CACNA1C: variants seen among roughly 807,000 people sequenced by gnomAD.
CACNA1C encodes the protein calcium voltage-gated channel subunit alpha1 C, also known as voltage-dependent L-type calcium channel subunit alpha-1C.
A neutral mutation model predicts 229.0 loss-of-function variants in CACNA1C; 30 were observed. The ratio of observed to expected loss-of-function variants is 0.13; its 90% CI spans 0.10 to 0.18. The LOEUF is 0.18. CACNA1C is among the 10% of genes least tolerant of loss of function. The probability of loss-of-function intolerance (pLI) is 1.00; values close to 1 mark genes in which losing one functional copy is unlikely to be tolerated. For synonymous variants in CACNA1C, 1,114 were observed against 1,132.5 expected, an observed-to-expected ratio of 0.98 and a Z score of 0.33; for missense variants, 1,658 against 2,845.0, an observed-to-expected ratio of 0.58 and a Z score of 9.49.
At chr12:2,522,231 G>A (rs893820100) in intron 9 of CACNA1C, among the ~76,000 whole-genome samples, 2 of 152,270 alleles carry the variant, frequency 1.3e-5, no homozygotes, top group South Asian at 2.1e-4. Flanking sequence ...TGGCCCAGCC[G>A]TCTTGTTATA....
chr12:2,422,602 G>A (rs994609014), intron 3 of CACNA1C, among the ~76,000 whole-genome samples: 2 of 152,176 alleles, frequency 1.3e-5, no homozygotes, highest in African/African-American at 2.4e-5. Context: ...AATCACCTGT[G>A]TCCCCCACAA....
intron 3 of CACNA1C, among the ~76,000 whole-genome samples, chr12:2,123,337 C>T (rs2087893306): frequency 6.7e-6 from 1 of 148,458 alleles, no homozygotes; most frequent in Non-Finnish European, 1.5e-5. Context: ...GATCGCGCCA[C>T]CGCACTCCAG....
In CACNA1C at chr12:2,566,621, G is replaced by A. The variant is rs1241136354; in HGVS notation, c.1669+39G>A. Reference sequence around the variant, plus strand: ...CCAGCTCTGCTCTGGTTTCCTCCTGGTAACTCAGCCCCAAGGCCCAGGGGA... The same window carrying A: ...CCAGCTCTGCTCTGGTTTCCTCCTGATAACTCAGCCCCAAGGCCCAGGGGA... On this transcript the variant is annotated intron_variant, in intron 12 of 46. Coordinates refer to ENST00000399655, the MANE Select transcript of CACNA1C (RefSeq NM_000719.7). The surrounding 1 kb of genome is among the most constrained non-coding windows in gnomAD (Gnocchi z 4.0). 4 of 1,548,756 alleles carry A rather than the reference G, an allele frequency of 2.6e-6. No homozygotes were observed. The highest frequency in any genetic ancestry group is 3.5e-6 in the Non-Finnish European group (4 of 1,143,076).
In CACNA1C at chr12:2,666,605, C is replaced by A; in HGVS notation, c.4527-81C>A. ...TGTTGCCCATATGAGTGGGCCCTAC[C>A]CCTCAGGCGCATGCGTCCTGGGCTG... On this transcript the variant is annotated intron_variant, in intron 36 of 46. Coordinates refer to ENST00000399655, the MANE Select transcript of CACNA1C (RefSeq NM_000719.7). This position sits in a 1 kb window ranked among gnomAD's most constrained non-coding sequence, Gnocchi z 5.3. 1.2e-6 allele frequency: 1 copy of A among 809,040 alleles called. No individual in the cohort carries two copies. The highest frequency in any genetic ancestry group is 2.1e-6 in the Non-Finnish European group (1 of 482,338). The allele number at this position is 809,040 out of a possible 1,614,324, so 50.1% of individuals were successfully genotyped here. A position where few individuals can be genotyped will look rare whatever the true frequency, so the allele number is the denominator to read the frequency against.
At position 2,108,940 on chromosome 12, in the gene CACNA1C, C is replaced by G. The variant is rs182658292; in HGVS notation, c.50-6284C>G. ...ACAGCAAGATGACAGACAGCAAGAGCCAAGTGGGCTTCTGGGTGACATGTT... is the reference window on the plus strand; with the variant it reads ...ACAGCAAGATGACAGACAGCAAGAGGCAAGTGGGCTTCTGGGTGACATGTT... On this transcript the variant is annotated intron_variant, in intron 1 of 46. Coordinates refer to ENST00000399655, the MANE Select transcript of CACNA1C (RefSeq NM_000719.7). This position sits in a 1 kb window ranked among gnomAD's most constrained non-coding sequence, Gnocchi z 5.3. Among the ~76,000 whole-genome samples the G allele has an allele frequency of 6.6e-6, 1 of 152,316 alleles. No individual in the cohort carries two copies. The highest frequency in any genetic ancestry group is 6.5e-5 in the Admixed American group (1 of 15,306).
chr12:2,254,880 C>T (rs1016124947), intron 3 of CACNA1C, among the ~76,000 whole-genome samples: 1 of 152,232 alleles, frequency 6.6e-6, no homozygotes, highest in South Asian at 2.1e-4. Context: ...CCTCTCTTCA[C>T]TTGGATGGCA....
At chr12:2,298,270 C>T (rs2094244317) in intron 3 of CACNA1C, among the ~76,000 whole-genome samples, 1 of 152,216 alleles carries the variant, frequency 6.6e-6, no homozygotes, top group Non-Finnish European at 1.5e-5. Flanking sequence ...ATAGTTACAG[C>T]TCAAGTTTAC....
intron 3 of CACNA1C, among the ~76,000 whole-genome samples, chr12:2,398,525 C>T (rs1427703839): frequency 6.6e-6 from 1 of 152,194 alleles, no homozygotes; most frequent in Non-Finnish European, 1.5e-5. Flanking sequence ...CTGGGAGCCA[C>T]CATTCCTTAT....
At chr12:2,360,496 G>GT (rs1360888115) in intron 3 of CACNA1C, among the ~76,000 whole-genome samples, 1 of 152,190 alleles carries the variant, frequency 6.6e-6, no homozygotes, top group Non-Finnish European at 1.5e-5. Context: ...CTCATTCCAT[G>GT]TTTTTATCTG....
At chr12:2,217,058 G>A (rs11062159) in intron 3 of CACNA1C, among the ~76,000 whole-genome samples, 42,576 of 152,122 alleles carry the variant, frequency 0.28, 6,599 homozygotes, top group Non-Finnish European at 0.35. Context: ...TACATACAGT[G>A]GAATATCATT....
chr12:2,459,499 CCTGT>C (rs911081085), intron 5 of CACNA1C, among the ~76,000 whole-genome samples: 4 of 152,098 alleles, frequency 2.6e-5, no homozygotes, highest in Admixed American at 2.6e-4. Context: ...AAGCTTGTGG[CCTGT>C]CTTAGGCTCA....
chr12:2,164,564 G>GT (rs1268005056), intron 3 of CACNA1C, among the ~76,000 whole-genome samples: 7 of 152,222 alleles, frequency 4.6e-5, no homozygotes, highest in Admixed American at 1.3e-4. Context: ...CTGGTAAGCT[G>GT]TTGTGGCTTA....
chr12:2,199,595 G>C (rs2097525931), intron 3 of CACNA1C, among the ~76,000 whole-genome samples: 1 of 152,114 alleles, frequency 6.6e-6, no homozygotes, highest in Admixed American at 6.5e-5. Flanking sequence ...TCTCTGGGGA[G>C]TAAGAAGTTA....
intron 13 of CACNA1C, among the ~76,000 whole-genome samples, chr12:2,572,264 C>T (rs1011831966): frequency 6.6e-6 from 1 of 150,550 alleles, no homozygotes; most frequent in African/African-American, 2.4e-5. Context: ...TAAAATACTG[C>T]CCTTCATATG....
At chr12:2,455,440 T>C (rs989922347) in intron 4 of CACNA1C, among the ~76,000 whole-genome samples, 3 of 152,212 alleles carry the variant, frequency 2.0e-5, no homozygotes, top group African/African-American at 7.2e-5. Context: ...ATTTATTACA[T>C]GTTGAGATGA....
chr12:2,025,229 A>G (rs2047108479), intron 1 of CACNA1C, among the ~76,000 whole-genome samples: 1 of 138,354 alleles, frequency 7.2e-6, no homozygotes, highest in African/African-American at 2.8e-5. Flanking sequence ...CAGACTGGAA[A>G]GATGACCTCC....
At chr12:2,427,062 A>G (rs1595951928) in intron 3 of CACNA1C, among the ~76,000 whole-genome samples, 2 of 152,232 alleles carry the variant, frequency 1.3e-5, no homozygotes, top group South Asian at 4.1e-4. Context: ...TCTTCCACAG[A>G]TGGGTTGGTT....
Position 2,247,607 on chromosome 12 carries a change from G to A in CACNA1C, c.477+127177G>A, listed in dbSNP as rs749605280. Among the ~76,000 whole-genome samples the A allele has an allele frequency of 2.3e-4, 35 of 152,198 alleles. 1 individual carries two copies. Among genetic ancestry groups the A allele is most frequent in the Non-Finnish European group, 5.0e-4 (34 of 68,030 alleles). On this transcript the variant is annotated intron_variant, in intron 3 of 46. Transcript: ENST00000399655. ...GACCTTCCTGGTGGGCAGCCACGGC[G>A]AAATCTAGACTTCCTGGTCCCTCCT... is the stretch of plus-strand genomic sequence containing the variant.
At chr12:2,450,369 A>C (rs1010302755) in intron 4 of CACNA1C, among the ~76,000 whole-genome samples, 7 of 151,628 alleles carry the variant, frequency 4.6e-5, no homozygotes, top group Non-Finnish European at 7.4e-5. Context: ...CCTGGCTAAC[A>C]CGGTGAAACC....
Sources: allele counts gnomAD v4.1 joint callset (sites outside exome capture counted in the v4.1 genomes callset), GRCh38; gene constraint gnomAD v4.1.1; non-coding constraint Gnocchi (gnomAD v3.1); transcripts MANE v1.5; gene names NCBI Gene and HGNC (gene_info 2026-07-23, HGNC 2026-07-21).